Variants in RPIA observed in about 807,000 individuals in gnomAD.
The protein encoded by RPIA is ribose-5-phosphate isomerase.
In RPIA, 29 loss-of-function variants were observed where a neutral mutation model predicts 37.8. That is an observed-to-expected ratio of 0.77 (90% CI 0.57 to 1.05). The LOEUF (loss-of-function observed/expected upper bound fraction) is 1.05, where lower values mean the gene tolerates loss of function less well. RPIA is among the 50% of genes least tolerant of loss of function. The pLI is 0.00. For synonymous variants in RPIA, 167 were observed against 157.0 expected, an observed-to-expected ratio of 1.06 and a Z score of -0.48; for missense variants, 385 against 413.6, an observed-to-expected ratio of 0.93 and a Z score of 0.60.
At position 88,749,156 on chromosome 2, in the gene RPIA, A is replaced by G. The variant is rs375102703; in HGVS notation, c.839-825A>G. Reference sequence around the variant, plus strand: ...ATGTATGCCTAACAGTTGTATATCTAGGAGTAGAATTGCTGAGTGGTTAGG... The same window carrying G: ...ATGTATGCCTAACAGTTGTATATCTGGGAGTAGAATTGCTGAGTGGTTAGG... On this transcript the variant is annotated intron_variant, in intron 8 of 8. Transcript: ENST00000283646. Among the ~76,000 whole-genome samples, 39 of 152,340 alleles carry G rather than the reference A, an allele frequency of 2.6e-4. 2 individuals are homozygous for G. In the South Asian group the frequency reaches 5.4e-3, roughly 21 times the overall value.
chr2:88,724,069 A>G (rs1380067722), intron 3 of RPIA, among the ~76,000 whole-genome samples: 1 of 152,126 alleles, frequency 6.6e-6, no homozygotes, highest in African/African-American at 2.4e-5. Flanking sequence ...GGTTTGCCCT[A>G]AGCAGTTCCC....
chr2:88,709,052 G>A lies in RPIA; in HGVS notation c.402+8988G>A, dbSNP rs147887999. On this transcript the variant is annotated intron_variant, in intron 3 of 8. Transcript: ENST00000283646. ...GTTACAGGCGTGAGCCACCGCGCCC[G>A]GCCAGCCAGCTGGATCTTTACTATT... Among the ~76,000 whole-genome samples, 735 of 152,286 alleles carry A rather than the reference G, an allele frequency of 4.8e-3. 6 individuals are homozygous for A. Among genetic ancestry groups the A allele is most frequent in the African/African-American group, 0.017 (712 of 41,560 alleles).
At chr2:88,700,931 A>T (rs1672822836) in intron 3 of RPIA, among the ~76,000 whole-genome samples, 1 of 152,248 alleles carries the variant, frequency 6.6e-6, no homozygotes, top group African/African-American at 2.4e-5. Flanking sequence ...GAGATTTATG[A>T]GTGACTGATG....
At chr2:88,708,263 T>TTA (rs1177412853) in intron 3 of RPIA, among the ~76,000 whole-genome samples, 3 of 152,254 alleles carry the variant, frequency 2.0e-5, no homozygotes, top group Admixed American at 6.5e-5. Context: ...TCCAGTGGAC[T>TTA]TATAAGTTCA....
intron 3 of RPIA, among the ~76,000 whole-genome samples, chr2:88,722,656 A>G (rs111597212): frequency 9.1e-4 from 138 of 152,344 alleles, no homozygotes; most frequent in African/African-American, 3.2e-3. Context: ...TATACATGCC[A>G]TGGTCAGATC....
At chr2:88,694,257 C>T (rs1204270471) in intron 1 of RPIA, among the ~76,000 whole-genome samples, 1 of 152,232 alleles carries the variant, frequency 6.6e-6, no homozygotes, top group Non-Finnish European at 1.5e-5. Flanking sequence ...GATTCCAAGG[C>T]AGCAGGGATC....
In RPIA at chr2:88,721,310, C is replaced by A. The variant is rs368547414; in HGVS notation, c.403-7968C>A. Among the ~76,000 whole-genome samples the A allele has an allele frequency of 2.5e-4, 38 of 151,700 alleles. No individual in the cohort carries two copies. The South Asian group carries it at 7.1e-3, about 28-fold the overall frequency. ...AGCAAACCACCGTGGCATGTATATA[C>A]CTATGTAGCAAAACTGCACGTTCTG... On this transcript the variant is annotated intron_variant, in intron 3 of 8. Transcript: ENST00000283646.
At chr2:88,696,873 C>T (rs540017394) in intron 1 of RPIA, among the ~76,000 whole-genome samples, 1 of 152,158 alleles carries the variant, frequency 6.6e-6, no homozygotes, top group Non-Finnish European at 1.5e-5. Context: ...AGCCCTCTGA[C>T]CTAATCACCT....
intron 3 of RPIA, among the ~76,000 whole-genome samples, chr2:88,711,987 A>G (rs779347676): frequency 1.7e-4 from 26 of 152,230 alleles, no homozygotes; most frequent in Non-Finnish European, 3.7e-4. Flanking sequence ...AAGATTAAGA[A>G]CAAAAATCTG....
At chr2:88,739,896 G>A (rs373609687) in intron 8 of RPIA, among the ~76,000 whole-genome samples, 2 of 152,152 alleles carry the variant, frequency 1.3e-5, no homozygotes, top group East Asian at 1.9e-4. Flanking sequence ...GGTGTGAACC[G>A]CTGTGCCTGG....
intron 3 of RPIA, among the ~76,000 whole-genome samples, chr2:88,706,306 A>C (rs1041455928): frequency 1.3e-5 from 2 of 152,178 alleles, no homozygotes; most frequent in African/African-American, 4.8e-5. Context: ...AATCAACCCA[A>C]ATGCCACCAA....
At chr2:88,745,963 G>A (rs1305893707) in intron 8 of RPIA, among the ~76,000 whole-genome samples, 3 of 152,080 alleles carry the variant, frequency 2.0e-5, no homozygotes, top group African/African-American at 7.2e-5. Context: ...TTTCTTGGAG[G>A]CTTTGTTCAT....
chr2:88,734,921 G>C (rs569498363), intron 5 of RPIA, among the ~76,000 whole-genome samples: 1 of 152,326 alleles, frequency 6.6e-6, no homozygotes, highest in Admixed American at 6.5e-5. Context: ...TACTGGGCTA[G>C]ATTGTTAGGT....
rs1235294161 is a variant in RPIA at position 88,738,066 on chromosome 2, A to G, written c.828A>G (p.Lys276=). ...HKWSEVNTAI[K]MIPGVVDTGL... Reference sequence around the variant, plus strand: ...GGAGTGAAGTGAATACAGCTATCAAAATGATCCCAGGTAACATGAGTGGTG... The same window carrying G: ...GGAGTGAAGTGAATACAGCTATCAAGATGATCCCAGGTAACATGAGTGGTG... Residue 276 remains lysine (K), a synonymous_variant, in exon 8 of 9, where the codon AAA becomes AAG. Transcript: ENST00000283646. 6.2e-7 allele frequency: 1 copy of G among 1,612,792 alleles called. No homozygotes were observed. Among genetic ancestry groups the G allele is most frequent in the Admixed American group, 1.7e-5 (1 of 60,022 alleles).
At chr2:88,727,298 A>G (rs1192527615) in intron 3 of RPIA, among the ~76,000 whole-genome samples, 1 of 152,220 alleles carries the variant, frequency 6.6e-6, no homozygotes, top group African/African-American at 2.4e-5. Context: ...AAAGGGATGA[A>G]TGTCAGGAGG....
At chr2:88,715,539 T>G (rs781386323) in intron 3 of RPIA, among the ~76,000 whole-genome samples, 5 of 152,244 alleles carry the variant, frequency 3.3e-5, no homozygotes, top group Non-Finnish European at 7.3e-5. Context: ...ACATGACTTT[T>G]GGTTACAAGG....
intron 2 of RPIA, 108 bp from the exon 3 acceptor site, chr2:88,699,901 T>C: frequency 8.4e-7 from 1 of 1,186,520 alleles, no homozygotes; most frequent in African/African-American, 1.5e-5. Flanking sequence ...GGCAGCTGTC[T>C]TTGGGAAATA....
chr2:88,699,084 C>A (rs997246976), intron 2 of RPIA, among the ~76,000 whole-genome samples: 1 of 152,202 alleles, frequency 6.6e-6, no homozygotes, highest in African/African-American at 2.4e-5. Flanking sequence ...TTTGTAAGAA[C>A]AAAGCCCAGA....
intron 8 of RPIA, among the ~76,000 whole-genome samples, chr2:88,748,015 T>C (rs771749315): frequency 7.9e-5 from 12 of 152,230 alleles, no homozygotes; most frequent in Non-Finnish European, 1.6e-4. Context: ...AAGTTTTCAT[T>C]GTATTTATCC....
Sources: gnomAD v4.1 joint callset for allele counts (sites outside exome capture counted in the v4.1 genomes callset) on GRCh38, gnomAD v4.1.1 for gene constraint, MANE v1.5 for transcripts, NCBI Gene and HGNC (gene_info 2026-07-23, HGNC 2026-07-21) for gene names.